The following GRK5 variants were observed in gnomAD, a reference collection of about 807,000 sequenced individuals.
GRK5 encodes G protein-coupled receptor kinase 5, also known as g protein-coupled receptor kinase GRK5.
GRK5 carries 40 observed loss-of-function variants against 78.4 expected under a neutral mutation model. That is an observed-to-expected ratio of 0.51 (90% CI 0.40 to 0.66). The LOEUF is 0.66. Among genes scored for constraint, GRK5 ranks in the 30% least tolerant of loss-of-function variants. GRK5 has a pLI of 0.00. For synonymous variants in GRK5, 289 were observed against 296.8 expected (o/e 0.97, Z 0.27); for missense variants, 598 against 759.9 (o/e 0.79, Z 2.50).
At chr10:119,444,743 C>T (rs1853109165) in intron 12 of GRK5, among the ~76,000 whole-genome samples, 1 of 152,206 alleles carries the variant, frequency 6.6e-6, no homozygotes, top group African/African-American at 2.4e-5. Context: ...CCCGGAGCCA[C>T]AGATGGGCAA....
rs570225563 is a variant in GRK5, at chr10:119,443,726, G to A, written c.1240G>A (p.Glu414Lys). The A allele has an allele frequency of 2.7e-5, 44 of 1,606,998 alleles. No homozygotes were observed. Among genetic ancestry groups the A allele is most frequent in the South Asian group, 1.4e-4 (13 of 90,922 alleles). Reference sequence around the variant, plus strand: ...GGAGGTGTACTCCCACAAGTTCTCCGAGGAGGCCAAGTCCATCTGCAAGAT... The same window carrying A: ...GGAGGTGTACTCCCACAAGTTCTCCAAGGAGGCCAAGTCCATCTGCAAGAT... ...TEEVYSHKFSEEAKSICKMLL... is the reference protein window; with the variant it reads ...TEEVYSHKFSKEAKSICKMLL... The change falls in exon 12 of 16, where the codon GAG becomes AAG. Residue 414 changes from glutamate (E) to lysine (K), a missense_variant. Coordinates refer to ENST00000392870, the MANE Select transcript of GRK5 (RefSeq NM_005308.3).
chr10:119,441,877 C>G, intron 10 of GRK5, 122 bp from the exon 11 acceptor site: 2 of 712,270 alleles, frequency 2.8e-6, no homozygotes, highest in Non-Finnish European at 4.9e-6. Context: ...AGATTGGGGT[C>G]CCTGTTGTCC....
Position 119,459,495 on chromosome 10 carries a change from T to G in GRK5, c.*4428T>G, listed in dbSNP as rs1853449763. ...AGCGAGTGTTCTCAATTAGAAGAGT[T>G]TAGTGGCTTTTGGTGTTGTTAAAAT... On this transcript the variant is annotated 3_prime_UTR_variant, in exon 16 of 16. Coordinates refer to ENST00000392870, the MANE Select transcript of GRK5 (RefSeq NM_005308.3). The G allele has an allele frequency of 6.6e-6, 1 of 152,200 alleles. No individual in the cohort carries two copies. Among genetic ancestry groups the G allele is most frequent in the South Asian group, 2.1e-4 (1 of 4,834 alleles). 9.4% of individuals were successfully genotyped at this position (152,200 alleles called of 1,614,324 possible). A position where few individuals can be genotyped will look rare whatever the true frequency, so the allele number is the denominator to read the frequency against.
rs1853135782 is a variant in GRK5, at chr10:119,445,878, G to A, written c.1266+2126G>A. Among the ~76,000 whole-genome samples, 1 of 152,078 alleles carries A rather than the reference G, an allele frequency of 6.6e-6. No individual in the cohort carries two copies. The highest frequency in any genetic ancestry group is 1.5e-5 in the Non-Finnish European group (1 of 68,000). ...GAGGAAGCCAGTCTCTGGCCCCCAG[G>A]TCTGTCCCCCATTCTACCTTAGCAG... On this transcript the variant is annotated intron_variant, in intron 12 of 15. Transcript: ENST00000392870. The surrounding 1 kb of genome is among the most constrained non-coding windows in gnomAD (Gnocchi z 4.1).
rs1175033419 is a variant in GRK5, at chr10:119,336,442, G to GT, written c.148+9841dup. The stretch of plus-strand genomic sequence containing the variant: ...GGACACTGGCTTTATCTGTAAGATT[G>GT]TTTTTTTTTTAAAAAAAGAATGAAT... On this transcript the variant is annotated intron_variant, in intron 2 of 15. Coordinates refer to ENST00000392870, the MANE Select transcript of GRK5 (RefSeq NM_005308.3). This position sits in a 1 kb window ranked among gnomAD's most constrained non-coding sequence, Gnocchi z 4.5. Among the ~76,000 whole-genome samples, 263 of 150,254 alleles carry GT rather than the reference G, an allele frequency of 1.8e-3. No individual in the cohort carries two copies. Among genetic ancestry groups the GT allele is most frequent in the Admixed American group, 2.5e-3 (37 of 15,080 alleles).
intron 8 of GRK5, among the ~76,000 whole-genome samples, chr10:119,434,243 C>T (rs1023715222): frequency 1.3e-5 from 2 of 152,220 alleles, no homozygotes; most frequent in Admixed American, 6.5e-5. Context: ...CCTCCCAAAT[C>T]TCATGACCTC....
Position 119,291,594 on chromosome 10 carries a change from C to CTCCTCCTCTTCCTCCTCCTCTTCT in GRK5, c.53-34905_53-34882dup, listed in dbSNP as rs1849959309. Among the ~76,000 whole-genome samples, 4 of 144,602 alleles carry CTCCTCCTCTTCCTCCTCCTCTTCT rather than the reference C, an allele frequency of 2.8e-5. No homozygotes were observed. In the Admixed American group the frequency reaches 2.8e-4, roughly 10 times the overall value. The allele number at this position is 144,602 out of a possible 152,430, so 94.9% of individuals were successfully genotyped here. A position where few individuals can be genotyped will look rare whatever the true frequency, so the allele number is the denominator to read the frequency against. On this transcript the variant is annotated intron_variant, in intron 1 of 15. Coordinates refer to ENST00000392870, the MANE Select transcript of GRK5 (RefSeq NM_005308.3). ...CTTCCTCCTCCTCCTCTTCCTCCTC[C>CTCCTCCTCTTCCTCCTCCTCTTCT]TCCTCCTCTTCCTCCTCCTCTTCTT...
At chr10:119,402,162 C>T (rs190078114) in intron 4 of GRK5, among the ~76,000 whole-genome samples, 2 of 152,348 alleles carry the variant, frequency 1.3e-5, no homozygotes, top group East Asian at 1.9e-4. Flanking sequence ...AGAGGAGCAT[C>T]TGGAATATTA....
At chr10:119,432,034 A>T (rs1316823765) in intron 8 of GRK5, among the ~76,000 whole-genome samples, 1 of 152,170 alleles carries the variant, frequency 6.6e-6, no homozygotes. Context: ...TTCATCTGTC[A>T]CTCACCTGAA....
intron 1 of GRK5, among the ~76,000 whole-genome samples, chr10:119,306,034 C>A (rs1850267378): frequency 6.6e-6 from 1 of 152,130 alleles, no homozygotes; most frequent in South Asian, 2.1e-4. Flanking sequence ...CTTGGAAGGC[C>A]TCCCTGGGAG....
chr10:119,442,722 G>A lies in GRK5; in HGVS notation c.1057+634G>A, dbSNP rs543206991. 1.9e-3 allele frequency among the ~76,000 whole-genome samples: 283 copies of A among 152,374 alleles called. 2 individuals carry two copies. Among genetic ancestry groups the A allele is most frequent in the Non-Finnish European group, 1.8e-3 (125 of 68,036 alleles). Reference sequence around the variant, plus strand: ...GGAGCAGGCACGCTGCCGCCCTCTAGTCAGGCTGGTACTGACAGCAGCTGC... The same window carrying A: ...GGAGCAGGCACGCTGCCGCCCTCTAATCAGGCTGGTACTGACAGCAGCTGC... On this transcript the variant is annotated intron_variant, in intron 11 of 15. Transcript: ENST00000392870.
rs56393339 is a variant in GRK5, at chr10:119,215,137, G to C, written c.52+7168G>C. Among the ~76,000 whole-genome samples, 1,508 of 152,318 alleles carry C rather than the reference G, an allele frequency of 9.9e-3. 22 individuals carry two copies. Among genetic ancestry groups the C allele is most frequent in the African/African-American group, 0.034 (1,431 of 41,564 alleles). The stretch of plus-strand genomic sequence containing the variant: ...TTCCTCTTCAGGGGCTCTGTTCAAC[G>C]TAGTAGCCACTAGCTGTATGTTGTT... On this transcript the variant is annotated intron_variant, in intron 1 of 15. Transcript: ENST00000392870.
chr10:119,427,455 CCAT>C (rs796161865), intron 6 of GRK5, among the ~76,000 whole-genome samples: 2,125 of 150,032 alleles, frequency 0.014, 51 homozygotes, highest in African/African-American at 0.046. Context: ...AGCATCACCG[CCAT>C]CATCAGCATC....
At chr10:119,375,528 A>G (rs1851609987) in intron 2 of GRK5, among the ~76,000 whole-genome samples, 1 of 152,166 alleles carries the variant, frequency 6.6e-6, no homozygotes, top group Non-Finnish European at 1.5e-5. Flanking sequence ...TTACATAGAC[A>G]TTGTTATGTG....
chr10:119,222,759 C>G (rs953947294), intron 1 of GRK5, among the ~76,000 whole-genome samples: 3 of 152,202 alleles, frequency 2.0e-5, no homozygotes, highest in East Asian at 3.9e-4. Context: ...AAGGGCTGCC[C>G]CTTCACTGCG....
intron 1 of GRK5, among the ~76,000 whole-genome samples, chr10:119,299,029 C>T (rs921186837): frequency 2.0e-5 from 3 of 152,212 alleles, no homozygotes; most frequent in African/African-American, 4.8e-5. Context: ...CCCTGGGAGA[C>T]GGGGACCAGG....
At chr10:119,227,421 G>C (rs2133719609) in intron 1 of GRK5, among the ~76,000 whole-genome samples, 1 of 152,196 alleles carries the variant, frequency 6.6e-6, no homozygotes, top group Non-Finnish European at 1.5e-5. Flanking sequence ...ACAAAAATTA[G>C]CCGGGCATGG....
chr10:119,264,281 A>T lies in GRK5; in HGVS notation c.52+56312A>T, dbSNP rs1849457406. ...TACAGGTGACAGAAGCTCAACTCCA[A>T]CTAGCTTAAGCAAAACAAATAAACA... On this transcript the variant is annotated intron_variant, in intron 1 of 15. Transcript: ENST00000392870. This position sits in a 1 kb window ranked among gnomAD's most constrained non-coding sequence, Gnocchi z 4.1. Among the ~76,000 whole-genome samples the T allele has an allele frequency of 6.6e-6, 1 of 152,180 alleles. No homozygotes were observed. The highest frequency in any genetic ancestry group is 2.4e-5 in the African/African-American group (1 of 41,428).
At chr10:119,309,148 C>G (rs1380031678) in intron 1 of GRK5, among the ~76,000 whole-genome samples, 2 of 152,162 alleles carry the variant, frequency 1.3e-5, no homozygotes, top group Admixed American at 6.5e-5. Flanking sequence ...GGGTTCAGCC[C>G]AAGGGTCACC....
Sources: allele counts gnomAD v4.1 joint callset (sites outside exome capture counted in the v4.1 genomes callset), GRCh38; gene constraint gnomAD v4.1.1; non-coding constraint Gnocchi (gnomAD v3.1); transcripts MANE v1.5; gene names NCBI Gene and HGNC (gene_info 2026-07-23, HGNC 2026-07-21).